GRIN2A: variants seen among roughly 807,000 people sequenced by gnomAD.
The protein encoded by GRIN2A is glutamate ionotropic receptor NMDA type subunit 2A.
A neutral mutation model predicts 113.4 loss-of-function variants in GRIN2A; 22 were observed. The observed-to-expected ratio is 0.19, with a 90% CI of 0.14 to 0.28. The LOEUF is 0.28. Among genes scored for constraint, GRIN2A ranks in the 10% least tolerant of loss-of-function variants. The pLI, the probability that GRIN2A is intolerant of heterozygous loss-of-function variation, is 1.00. For missense variants in GRIN2A, 1,502 were observed against 1,887.0 expected, an observed-to-expected ratio of 0.80 and a Z score of 3.78; for synonymous variants, 827 against 738.4, an observed-to-expected ratio of 1.12 and a Z score of -1.94.
intron 4 of GRIN2A, among the ~76,000 whole-genome samples, chr16:9,870,107 G>A (rs2043230594): frequency 6.6e-6 from 1 of 152,158 alleles, no homozygotes; most frequent in African/African-American, 2.4e-5. Flanking sequence ...AATATCATCT[G>A]TTAATATAAT....
At chr16:10,115,417 C>T (rs372981806) in intron 2 of GRIN2A, among the ~76,000 whole-genome samples, 3 of 152,266 alleles carry the variant, frequency 2.0e-5, no homozygotes, top group East Asian at 1.9e-4. Flanking sequence ...CAGAAGCTCT[C>T]CTTGTTGACC....
intron 2 of GRIN2A, among the ~76,000 whole-genome samples, chr16:10,176,993 G>A (rs117273903): frequency 3.3e-5 from 5 of 152,290 alleles, no homozygotes; most frequent in Non-Finnish European, 5.9e-5. Context: ...TGTTCTGGAT[G>A]ACTTTACCAA....
rs554543626 is a variant in GRIN2A at position 10,074,467 on chromosome 16, C to A, written c.414+105531G>T. ...CAGCATTACTGATAGCAGCCAAAAA[C>A]TGGAAACAATCTAAACATCCTACAA... is the stretch of plus-strand genomic sequence containing the variant. On this transcript the variant is annotated intron_variant, in intron 2 of 12. Transcript: ENST00000330684. Among the ~76,000 whole-genome samples, 5 of 152,236 alleles carry A rather than the reference C, an allele frequency of 3.3e-5. No homozygotes were observed. The South Asian group carries it at 1.0e-3, about 32-fold the overall frequency.
At chr16:10,111,403 G>A (rs2048611160) in intron 2 of GRIN2A, 1 of 508,082 alleles carries the variant, frequency 2.0e-6, no homozygotes, top group Admixed American at 2.9e-5. Context: ...TCTGATCAGT[G>A]GCGGCACCGG....
intron 2 of GRIN2A, among the ~76,000 whole-genome samples, chr16:9,957,227 C>A (rs1438138156): frequency 6.6e-6 from 1 of 152,160 alleles, no homozygotes; most frequent in Non-Finnish European, 1.5e-5. Context: ...GGGGGACCAG[C>A]CTGGCACTCA....
rs1900290000 is a variant in GRIN2A, at chr16:9,754,782, C to A, written c.*8367G>T. On this transcript the variant is annotated 3_prime_UTR_variant, in exon 13 of 13. Coordinates refer to ENST00000330684, the MANE Select transcript of GRIN2A (RefSeq NM_001134407.3). ...AATTCAAAAGGCTATGATTGTTTTT[C>A]ATGGAAAAAAAAAGACAATGTTTTC... The A allele has an allele frequency of 4.5e-6, 1 of 220,352 alleles. No homozygotes were observed. Among genetic ancestry groups the A allele is most frequent in the African/African-American group, 2.2e-5 (1 of 44,554 alleles). 13.6% of individuals were successfully genotyped at this position (220,352 alleles called of 1,614,324 possible). A position where few individuals can be genotyped will look rare whatever the true frequency, so the allele number is the denominator to read the frequency against.
chr16:10,100,864 T>C (rs1346071984), intron 2 of GRIN2A, among the ~76,000 whole-genome samples: 2 of 152,198 alleles, frequency 1.3e-5, no homozygotes, highest in Non-Finnish European at 1.5e-5. Context: ...AGTTAATCCA[T>C]CACAGACGTG....
chr16:10,004,424 C>A (rs369320814), intron 2 of GRIN2A, among the ~76,000 whole-genome samples: 13 of 151,958 alleles, frequency 8.6e-5, no homozygotes, highest in African/African-American at 3.1e-4. Context: ...ATGTTTCTTA[C>A]GGCTGCTGTA....
chr16:10,110,259 A>G (rs1270525655), intron 2 of GRIN2A, among the ~76,000 whole-genome samples: 1 of 152,226 alleles, frequency 6.6e-6, no homozygotes. Context: ...AGTTGAATGG[A>G]AACCATTTGG....
chr16:9,760,754 G>A lies in GRIN2A; in HGVS notation c.*2395C>T, dbSNP rs547067022. ...AGACAGAAAGCCTCTTTGGCTTGAC[G>A]ACAAATCACTCTTCTGTATTCTGGG... is the stretch of plus-strand genomic sequence containing the variant. On this transcript the variant is annotated 3_prime_UTR_variant, in exon 13 of 13. Coordinates refer to ENST00000330684, the MANE Select transcript of GRIN2A (RefSeq NM_001134407.3). The A allele has an allele frequency of 1.5e-4, 35 of 229,138 alleles. No individual in the cohort carries two copies. Among genetic ancestry groups the A allele is most frequent in the Non-Finnish European group, 2.2e-4 (25 of 115,470 alleles). The allele number at this position is 229,138 out of a possible 1,614,324, so 14.2% of individuals were successfully genotyped here. A position where few individuals can be genotyped will look rare whatever the true frequency, so the allele number is the denominator to read the frequency against.
intron 2 of GRIN2A, among the ~76,000 whole-genome samples, chr16:9,995,841 G>A (rs1342739902): frequency 6.6e-6 from 1 of 151,896 alleles, no homozygotes; most frequent in Admixed American, 6.6e-5. Flanking sequence ...GAGAAGTAAG[G>A]CTTATGGGAT....
rs2142387705 is a variant in GRIN2A, at chr16:10,180,037, C to T, written c.375G>A (p.Leu125=). ...TCATAGATGCGCCCCCATGAATGCCCAAGATGGGGACGAAGGTGTGGGAGG... is the reference window on the plus strand; with the variant it reads ...TCATAGATGCGCCCCCATGAATGCCTAAGATGGGGACGAAGGTGTGGGAGG... ...FISSHTFVPI[L]GIHGGASMIM... is the part of the protein sequence containing the mutation. The change falls in exon 2 of 13, where the codon TTG becomes TTA. Residue 125 remains leucine, a synonymous_variant. Coordinates refer to ENST00000330684, the MANE Select transcript of GRIN2A (RefSeq NM_001134407.3). This position sits in a 1 kb window ranked among gnomAD's most constrained non-coding sequence, Gnocchi z 7.0. 2 of 1,613,946 alleles carry T rather than the reference C, an allele frequency of 1.2e-6. No homozygotes were observed. Among genetic ancestry groups the T allele is most frequent in the Non-Finnish European group, 1.7e-6 (2 of 1,179,824 alleles).
chr16:10,172,763 T>C (rs548972470), intron 2 of GRIN2A, among the ~76,000 whole-genome samples: 1 of 152,328 alleles, frequency 6.6e-6, no homozygotes, highest in African/African-American at 2.4e-5. Context: ...CTTTAAAATG[T>C]TGGCAAAGAA....
intron 2 of GRIN2A, among the ~76,000 whole-genome samples, chr16:9,992,542 C>T (rs1033173710): frequency 8.5e-5 from 13 of 152,176 alleles, no homozygotes; most frequent in East Asian, 5.8e-4. Context: ...GAAAATAACC[C>T]GCCTCGTTTT....
intron 2 of GRIN2A, among the ~76,000 whole-genome samples, chr16:10,015,076 A>G (rs1364548593): frequency 1.3e-5 from 2 of 151,840 alleles, no homozygotes; most frequent in Non-Finnish European, 2.9e-5. Flanking sequence ...CAACATAGTG[A>G]AATCTCATCT....
chr16:10,131,116 C>T (rs1035067915), intron 2 of GRIN2A, among the ~76,000 whole-genome samples: 2 of 152,176 alleles, frequency 1.3e-5, no homozygotes, highest in Admixed American at 1.3e-4. Flanking sequence ...TGGAAAATAG[C>T]GGCAGGGGCT....
At chr16:10,105,997 T>A (rs1474457096) in intron 2 of GRIN2A, among the ~76,000 whole-genome samples, 3 of 152,176 alleles carry the variant, frequency 2.0e-5, no homozygotes, top group Admixed American at 6.6e-5. Flanking sequence ...CATGCATACA[T>A]GTGTATAGAT....
At chr16:9,863,965 G>A (rs1193235745) in intron 4 of GRIN2A, among the ~76,000 whole-genome samples, 1 of 152,182 alleles carries the variant, frequency 6.6e-6, no homozygotes, top group Non-Finnish European at 1.5e-5. Context: ...ACAGAAACAG[G>A]AATTGGGGCT....
At chr16:9,940,206 G>A (rs1306972625) in intron 2 of GRIN2A, among the ~76,000 whole-genome samples, 10 of 152,008 alleles carry the variant, frequency 6.6e-5, no homozygotes, top group Admixed American at 6.6e-4. Context: ...TATCAGAATG[G>A]GCCAAAAGCT....
Sources: allele counts gnomAD v4.1 joint callset (sites outside exome capture counted in the v4.1 genomes callset), GRCh38; gene constraint gnomAD v4.1.1; non-coding constraint Gnocchi (gnomAD v3.1); transcripts MANE v1.5; gene names NCBI Gene and HGNC (gene_info 2026-07-23, HGNC 2026-07-21).